NSMCE2: variants seen among roughly 807,000 people sequenced by gnomAD.
NSMCE2 encodes the protein E3 SUMO-protein ligase NSE2.
Under a neutral mutation model 23.8 loss-of-function variants are expected in NSMCE2, and 24 were observed. The ratio of observed to expected loss-of-function variants is 1.01; its 90% CI spans 0.73 to 1.42. NSMCE2 has a LOEUF of 1.42. Among genes scored for constraint, NSMCE2 ranks in the 40% most tolerant of loss-of-function variants. The pLI, the probability that NSMCE2 is intolerant of heterozygous loss-of-function variation, is 0.00. For missense variants in NSMCE2, 284 were observed against 296.5 expected (o/e 0.96, Z 0.31); for synonymous variants, 92 against 94.1 (o/e 0.98, Z 0.13).
intron 3 of NSMCE2, among the ~76,000 whole-genome samples, chr8:125,104,814 A>C (rs1039560436): frequency 6.6e-6 from 1 of 152,136 alleles, no homozygotes; most frequent in Admixed American, 6.5e-5. Context: ...AAGCAGGAGG[A>C]TCTCCTGAGG....
At chr8:125,261,616 A>G (rs1380419468) in intron 5 of NSMCE2, among the ~76,000 whole-genome samples, 1 of 152,148 alleles carries the variant, frequency 6.6e-6, no homozygotes, top group Non-Finnish European at 1.5e-5. Context: ...TCTTGCCTGA[A>G]CCATTACACA....
Position 125,102,336 on chromosome 8 carries a change from A to C in NSMCE2, c.6A>C (p.Pro2=). The part of the protein sequence containing the change: M[P]GRSSSNSGST... ...ACTTAGGTACTAATTTCAAGATGCC[A>C]GGACGTTCCAGTTCAAATTCAGGTT... The change falls in exon 3 of 8, where the codon CCA becomes CCC. Residue 2 remains proline, a synonymous_variant. Transcript: ENST00000287437. 1.1e-5 allele frequency: 17 copies of C among 1,613,270 alleles called. No individual in the cohort carries two copies. Among genetic ancestry groups the C allele is most frequent in the Non-Finnish European group, 1.4e-5 (17 of 1,179,392 alleles).
chr8:125,277,773 C>T (rs1339717050), intron 5 of NSMCE2, among the ~76,000 whole-genome samples: 1 of 152,194 alleles, frequency 6.6e-6, no homozygotes, highest in Non-Finnish European at 1.5e-5. Context: ...CTCGGCCTCC[C>T]AGAGTGCTGG....
At chr8:125,096,115 A>G (rs1369889608) in intron 1 of NSMCE2, among the ~76,000 whole-genome samples, 1 of 152,162 alleles carries the variant, frequency 6.6e-6, no homozygotes, top group African/African-American at 2.4e-5. Flanking sequence ...ATTCTCTATC[A>G]TCAGCATATA....
At chr8:125,359,330 CTTTT>C (rs34421417) in intron 7 of NSMCE2, among the ~76,000 whole-genome samples, 7 of 102,888 alleles carry the variant, frequency 6.8e-5, no homozygotes, top group African/African-American at 2.5e-4. Flanking sequence ...TGCTCTTTCT[CTTTT>C]TTTTTTTTTT....
At chr8:125,290,823 A>T (rs1281557356) in intron 5 of NSMCE2, among the ~76,000 whole-genome samples, 1 of 152,224 alleles carries the variant, frequency 6.6e-6, no homozygotes. Flanking sequence ...AGGAAGCATA[A>T]AGTAAAAAGG....
At chr8:125,349,173 A>G (rs1031719020) in intron 5 of NSMCE2, among the ~76,000 whole-genome samples, 5 of 152,154 alleles carry the variant, frequency 3.3e-5, no homozygotes, top group African/African-American at 1.2e-4. Context: ...AGCCCCAGCT[A>G]TAGGTTACTG....
At chr8:125,265,317 G>A (rs1275579602) in intron 5 of NSMCE2, among the ~76,000 whole-genome samples, 2 of 151,684 alleles carry the variant, frequency 1.3e-5, no homozygotes, top group East Asian at 1.9e-4. Flanking sequence ...CACCTCCCAG[G>A]TTCAAGCGAT....
intron 4 of NSMCE2, among the ~76,000 whole-genome samples, chr8:125,160,819 C>T (rs1479780152): frequency 2.0e-5 from 3 of 152,080 alleles, no homozygotes; most frequent in Non-Finnish European, 4.4e-5. Flanking sequence ...TCTCTGTGTA[C>T]GAGTACACAA....
intron 5 of NSMCE2, among the ~76,000 whole-genome samples, chr8:125,334,583 G>A (rs72720597): frequency 0.084 from 12,754 of 151,936 alleles, 668 homozygotes; most frequent in South Asian, 0.16. Context: ...TGCTGGAGGG[G>A]AATTGTTTTT....
At chr8:125,173,559 A>C (rs1244632729) in intron 4 of NSMCE2, among the ~76,000 whole-genome samples, 1 of 152,200 alleles carries the variant, frequency 6.6e-6, no homozygotes, top group Admixed American at 6.5e-5. Context: ...CATTAGCATC[A>C]TACCATCATT....
At chr8:125,122,209 A>G (rs1238314445) in intron 3 of NSMCE2, among the ~76,000 whole-genome samples, 7 of 150,422 alleles carry the variant, frequency 4.7e-5, no homozygotes, top group Admixed American at 2.7e-4. Flanking sequence ...TGCCTATTAT[A>G]TGAAATGTAC....
chr8:125,318,677 AAAAG>A (rs1182001302), intron 5 of NSMCE2, among the ~76,000 whole-genome samples: 1 of 152,236 alleles, frequency 6.6e-6, no homozygotes, highest in African/African-American at 2.4e-5. Flanking sequence ...CAGAGAAAAA[AAAAG>A]AAAACAAAAT....
chr8:125,344,290 A>G (rs1205288379), intron 5 of NSMCE2, among the ~76,000 whole-genome samples: 1 of 152,174 alleles, frequency 6.6e-6, no homozygotes, highest in Non-Finnish European at 1.5e-5. Context: ...AGAGTACTAG[A>G]TATAAAAAGC....
At chr8:125,351,130 C>G (rs4871584) in intron 5 of NSMCE2, among the ~76,000 whole-genome samples, 119,342 of 152,092 alleles carry the variant, frequency 0.78, 46,956 homozygotes, top group Admixed American at 0.83. Flanking sequence ...TCGGTGGATG[C>G]TGACTGAGAA....
intron 4 of NSMCE2, among the ~76,000 whole-genome samples, chr8:125,181,223 C>G (rs1822790223): frequency 6.6e-6 from 1 of 151,934 alleles, no homozygotes; most frequent in African/African-American, 2.4e-5. Context: ...GGAATATGAA[C>G]AGAAAATAAC....
At chr8:125,123,494 A>G (rs2130513091) in intron 3 of NSMCE2, among the ~76,000 whole-genome samples, 1 of 152,386 alleles carries the variant, frequency 6.6e-6, no homozygotes, top group East Asian at 1.9e-4. Flanking sequence ...TGAAAGAGCT[A>G]AAGCTCGAAG....
chr8:125,137,373 A>G (rs540843664), intron 3 of NSMCE2, among the ~76,000 whole-genome samples: 1 of 152,280 alleles, frequency 6.6e-6, no homozygotes. Context: ...TTCCTTCATT[A>G]ACTTTCTGTT....
chr8:125,277,619 G>A (rs1827514275), intron 5 of NSMCE2, among the ~76,000 whole-genome samples: 1 of 151,640 alleles, frequency 6.6e-6, no homozygotes, highest in Admixed American at 6.6e-5. Flanking sequence ...CCATTCTCCT[G>A]CCTCAGCCTC....
Sources: gnomAD v4.1 joint callset for allele counts (sites outside exome capture counted in the v4.1 genomes callset) on GRCh38, gnomAD v4.1.1 for gene constraint, MANE v1.5 for transcripts, NCBI Gene and HGNC (gene_info 2026-07-23, HGNC 2026-07-21) for gene names.